The following OR10A2 variants were observed in gnomAD, a reference collection of about 807,000 sequenced individuals.
The protein encoded by OR10A2 is olfactory receptor family 10 subfamily A member 2, also known as olfactory receptor 10A2.
OR10A2 carries 15 observed loss-of-function variants against 13.7 expected under a neutral mutation model. The ratio of observed to expected loss-of-function variants is 1.10; its 90% CI spans 0.73 to 1.69. OR10A2 has a LOEUF of 1.69. Ranked by LOEUF, OR10A2 falls within the 40% of genes most tolerant of loss-of-function variation. The probability of loss-of-function intolerance (pLI) is 0.00; values close to 1 mark genes in which losing one functional copy is unlikely to be tolerated. For missense variants in OR10A2, 343 were observed against 361.1 expected (o/e 0.95, Z 0.41); for synonymous variants, 145 against 144.7 (o/e 1.00, Z -0.02).
rs952179586 is a variant in OR10A2 at position 6,872,669 on chromosome 11, G to C, written c.*2003G>C. On this transcript the variant is annotated 3_prime_UTR_variant, in exon 2 of 2. Coordinates refer to ENST00000641461, the MANE Select transcript of OR10A2 (RefSeq NM_001004460.2). The stretch of plus-strand genomic sequence containing the variant: ...CTGGCCATTTAAAAATTTTTTTTTA[G>C]TAGAGACGAGGTCTTGCTATGCTAC... 2 of 151,974 alleles carry C rather than the reference G, an allele frequency of 1.3e-5. No individual in the cohort carries two copies. Among genetic ancestry groups the C allele is most frequent in the Admixed American group, 6.6e-5 (1 of 15,254 alleles). 9.4% of individuals were successfully genotyped at this position (151,974 alleles called of 1,614,324 possible).
Position 6,869,828 on chromosome 11 carries a change from C to A in OR10A2, c.74C>A (p.Thr25Asn). 6.2e-7 allele frequency: 1 copy of A among 1,614,188 alleles called. No homozygotes were observed. The highest frequency in any genetic ancestry group is 8.5e-7 in the Non-Finnish European group (1 of 1,180,024). Residue 25 changes from threonine (T) to asparagine (N), a missense_variant, in exon 2 of 2, where the codon ACC (threonine) becomes AAC (asparagine). Transcript: ENST00000641461. ...FLTFLTIYLV[T>N]LMGNCLIILV... The stretch of plus-strand genomic sequence containing the variant: ...ACATTTCTAACCATCTACCTGGTCA[C>A]CCTGATGGGAAACTGCCTCATCATT...
At position 6,873,219 on chromosome 11, in the gene OR10A2, C is replaced by A. The variant is rs1848454060; in HGVS notation, c.*2553C>A. The A allele has an allele frequency of 6.6e-6, 1 of 152,102 alleles. No individual in the cohort carries two copies. Among genetic ancestry groups the A allele is most frequent in the South Asian group, 2.1e-4 (1 of 4,826 alleles). 9.4% of individuals were successfully genotyped at this position (152,102 alleles called of 1,614,324 possible). On this transcript the variant is annotated 3_prime_UTR_variant, in exon 2 of 2. Coordinates refer to ENST00000641461, the MANE Select transcript of OR10A2 (RefSeq NM_001004460.2). ...GTAGGGCTAGGGTTAGGGCTAGACT[C>A]AAAATACATGCAACTTTAAAGACAA...
Position 6,874,587 on chromosome 11 carries a change from C to G in OR10A2, c.*3921C>G, listed in dbSNP as rs1848467190. 6.6e-6 allele frequency: 1 copy of G among 152,178 alleles called. No individual in the cohort carries two copies. Among genetic ancestry groups the G allele is most frequent in the Non-Finnish European group, 1.5e-5 (1 of 68,034 alleles). 9.4% of individuals were successfully genotyped at this position (152,178 alleles called of 1,614,324 possible). On this transcript the variant is annotated 3_prime_UTR_variant, in exon 2 of 2. Transcript: ENST00000641461. ...GTCGGCCAAATCCCTGACTTGGACT[C>G]AGCCACCCAGGATTCCAACACTTGC...
intron 1 of OR10A2, among the ~76,000 whole-genome samples, chr11:6,868,712 T>C (rs1315873737): frequency 1.3e-5 from 2 of 152,162 alleles, no homozygotes; most frequent in East Asian, 3.8e-4. Context: ...CCACATTCAT[T>C]TCTTTTTTTA....
intron 1 of OR10A2, among the ~76,000 whole-genome samples, chr11:6,866,969 A>G (rs1405090333): frequency 6.6e-6 from 1 of 151,950 alleles, no homozygotes; most frequent in Non-Finnish European, 1.5e-5. Context: ...TACCTGTTAT[A>G]GTGATTTTAT....
At chr11:6,865,355 C>A (rs1016765642) in intron 1 of OR10A2, among the ~76,000 whole-genome samples, 1 of 151,436 alleles carries the variant, frequency 6.6e-6, no homozygotes, top group Non-Finnish European at 1.5e-5. Flanking sequence ...TGTTATTTTT[C>A]ATTTAATATT....
chr11:6,864,028 A>G (rs1564919641), intron 1 of OR10A2, among the ~76,000 whole-genome samples: 1 of 152,108 alleles, frequency 6.6e-6, no homozygotes, highest in Non-Finnish European at 1.5e-5. Context: ...TGACCAAGAA[A>G]TTTTTCTACT....
At position 6,871,012 on chromosome 11, in the gene OR10A2, C is replaced by G. The variant is rs976446402; in HGVS notation, c.*346C>G. The G allele has an allele frequency of 1.3e-5, 2 of 153,806 alleles. No individual in the cohort carries two copies. The highest frequency in any genetic ancestry group is 2.7e-5 in the Non-Finnish European group (2 of 73,350). 9.5% of individuals were successfully genotyped at this position (153,806 alleles called of 1,614,324 possible). ...CCCAGGCTGGAGTGCAGTGGCGCAT[C>G]TCTGCTCACTGCAAGCTCCGCCTCC... On this transcript the variant is annotated 3_prime_UTR_variant, in exon 2 of 2. Coordinates refer to ENST00000641461, the MANE Select transcript of OR10A2 (RefSeq NM_001004460.2).
chr11:6,871,559 A>G lies in OR10A2; in HGVS notation c.*893A>G, dbSNP rs890438963. 1 of 152,198 alleles carries G rather than the reference A, an allele frequency of 6.6e-6. No individual in the cohort carries two copies. Among genetic ancestry groups the G allele is most frequent in the African/African-American group, 2.4e-5 (1 of 41,454 alleles). 9.4% of individuals were successfully genotyped at this position (152,198 alleles called of 1,614,324 possible). On this transcript the variant is annotated 3_prime_UTR_variant, in exon 2 of 2. Transcript: ENST00000641461. Reference sequence around the variant, plus strand: ...ACATGCATATGCCTTTATAACCCCAATAATTATTTCCTTCACACTAGATTC... The same window carrying G: ...ACATGCATATGCCTTTATAACCCCAGTAATTATTTCCTTCACACTAGATTC...
intron 1 of OR10A2, among the ~76,000 whole-genome samples, chr11:6,865,657 CT>C: frequency 6.6e-6 from 1 of 151,952 alleles, no homozygotes; most frequent in Non-Finnish European, 1.5e-5. Context: ...AGATAATTGT[CT>C]TTTATTATTT....
At position 6,874,350 on chromosome 11, in the gene OR10A2, G is replaced by A. The variant is rs928539353; in HGVS notation, c.*3684G>A. ...AAGGAGCATGTCATCTACTGTATGA[G>A]ACAAATACATACAATAATGATTATT... On this transcript the variant is annotated 3_prime_UTR_variant, in exon 2 of 2. Coordinates refer to ENST00000641461, the MANE Select transcript of OR10A2 (RefSeq NM_001004460.2). 6.6e-6 allele frequency: 1 copy of A among 152,110 alleles called. No individual in the cohort carries two copies. The highest frequency in any genetic ancestry group is 2.4e-5 in the African/African-American group (1 of 41,412). 9.4% of individuals were successfully genotyped at this position (152,110 alleles called of 1,614,324 possible).
intron 1 of OR10A2, among the ~76,000 whole-genome samples, chr11:6,864,179 A>G (rs986253180): frequency 7.9e-5 from 12 of 152,148 alleles, no homozygotes; most frequent in Non-Finnish European, 1.5e-4. Context: ...TTTCTTCCCC[A>G]GTAGTTTTCA....
Position 6,874,289 on chromosome 11 carries a change from T to C in OR10A2, c.*3623T>C, listed in dbSNP as rs528671340. On this transcript the variant is annotated 3_prime_UTR_variant, in exon 2 of 2. Coordinates refer to ENST00000641461, the MANE Select transcript of OR10A2 (RefSeq NM_001004460.2). ...TACTGGGCATCTACCTTTCTAGGCA[T>C]TGGGGTAAAAAAATGAATAACACAA... The C allele has an allele frequency of 6.6e-6, 1 of 152,216 alleles. No individual in the cohort carries two copies. Among genetic ancestry groups the C allele is most frequent in the Admixed American group, 6.5e-5 (1 of 15,272 alleles). 9.4% of individuals were successfully genotyped at this position (152,216 alleles called of 1,614,324 possible).
rs759627406 is a variant in OR10A2 at position 6,870,537 on chromosome 11, A to G, written c.783A>G (p.Leu261=). ...SNNSPEGKKL[L]SLSYTVMTPM... The stretch of plus-strand genomic sequence containing the variant: ...ATTCACCTGAGGGCAAGAAGCTGCT[A>G]TCATTGTCCTACACTGTTATGACTC... Residue 261 remains leucine, a synonymous_variant, in exon 2 of 2, where the codon CTA becomes CTG. Transcript: ENST00000641461. 6.2e-7 allele frequency: 1 copy of G among 1,614,110 alleles called. No individual in the cohort carries two copies. The highest frequency in any genetic ancestry group is 8.5e-7 in the Non-Finnish European group (1 of 1,179,934).
rs1848367445 is a variant in OR10A2, at chr11:6,864,886, C to T, written c.-133+1535C>T. ...TTTCTGTTTTAAGTTCAGGCTCTGCCATTTATTTTCCATATAATTACAAAA... is the reference window on the plus strand; with the variant it reads ...TTTCTGTTTTAAGTTCAGGCTCTGCTATTTATTTTCCATATAATTACAAAA... On this transcript the variant is annotated intron_variant, in intron 1 of 1. Coordinates refer to ENST00000641461, the MANE Select transcript of OR10A2 (RefSeq NM_001004460.2). Among the ~76,000 whole-genome samples the T allele has an allele frequency of 3.4e-5, 5 of 148,698 alleles. No homozygotes were observed. The South Asian group carries it at 1.0e-3, about 31-fold the overall frequency.
At chr11:6,863,824 T>A (rs2741771) in intron 1 of OR10A2, among the ~76,000 whole-genome samples, 63,368 of 151,948 alleles carry the variant, frequency 0.42, 13,624 homozygotes, top group Middle Eastern at 0.58. Flanking sequence ...GACAGTCAGG[T>A]GATTAGCAAA....
chr11:6,869,572 C>A (rs908255490), intron 1 of OR10A2, 51 bp from the exon 2 acceptor site: 18 of 641,430 alleles, frequency 2.8e-5, no homozygotes, highest in Non-Finnish European at 4.4e-5. Context: ...CTTAGACAAC[C>A]CAAGGCACTT....
chr11:6,870,209 G>A lies in OR10A2; in HGVS notation c.455G>A (p.Ser152Asn). 3 of 1,614,200 alleles carry A rather than the reference G, an allele frequency of 1.9e-6. No homozygotes were observed. The highest frequency in any genetic ancestry group is 2.5e-6 in the Non-Finnish European group (3 of 1,180,032). Residue 152 changes from serine (S) to asparagine (N), a missense_variant, in exon 2 of 2, where the codon AGT becomes AAT. Transcript: ENST00000641461. ...VATVQTTWLFSFPFCGTNKVN... is the reference protein window; with the variant it reads ...VATVQTTWLFNFPFCGTNKVN... ...ACTGTGCAGACCACATGGCTCTTCA[G>A]TTTTCCATTCTGTGGCACCAACAAG...
intron 1 of OR10A2, among the ~76,000 whole-genome samples, chr11:6,867,478 C>A (rs556535926): frequency 5.3e-5 from 8 of 152,146 alleles, no homozygotes; most frequent in African/African-American, 1.9e-4. Context: ...TCCCAAAGTG[C>A]TGGGATTACA....
Sources: allele counts gnomAD v4.1 joint callset (sites outside exome capture counted in the v4.1 genomes callset), GRCh38; gene constraint gnomAD v4.1.1; transcripts MANE v1.5; gene names NCBI Gene and HGNC (gene_info 2026-07-23, HGNC 2026-07-21).